The following CAAP1 variants were observed in gnomAD, a reference collection of about 807,000 sequenced individuals.
CAAP1 encodes the protein conserved anti-apoptotic protein.
CAAP1 carries 20 observed loss-of-function variants against 34.0 expected under a neutral mutation model. The observed-to-expected ratio is 0.59, with a 90% CI of 0.41 to 0.86. The LOEUF (loss-of-function observed/expected upper bound fraction) is 0.86, where lower values mean the gene tolerates loss of function less well. CAAP1 is among the 40% of genes least tolerant of loss of function. The pLI is 0.00. For synonymous variants in CAAP1, 213 were observed against 166.7 expected (o/e 1.28, Z -2.14); for missense variants, 538 against 450.5 (o/e 1.19, Z -1.76).
intron 5 of CAAP1, among the ~76,000 whole-genome samples, chr9:26,847,735 T>A (rs760744662): frequency 6.6e-6 from 1 of 152,034 alleles, no homozygotes; most frequent in Admixed American, 6.6e-5. Flanking sequence ...TTTATGGTGT[T>A]TTTTTTTCTC....
intron 5 of CAAP1, among the ~76,000 whole-genome samples, chr9:26,851,959 C>T (rs1296962367): frequency 6.6e-6 from 1 of 152,146 alleles, no homozygotes; most frequent in African/African-American, 2.4e-5. Flanking sequence ...TTTCCTGTGG[C>T]ACTGCTTTTG....
At chr9:26,859,928 T>C (rs1246957159) in intron 5 of CAAP1, among the ~76,000 whole-genome samples, 1 of 152,218 alleles carries the variant, frequency 6.6e-6, no homozygotes, top group Non-Finnish European at 1.5e-5. Context: ...AATCACTAAA[T>C]TCGCTGTCTA....
At chr9:26,865,369 C>T (rs1206819599) in intron 4 of CAAP1, among the ~76,000 whole-genome samples, 2 of 151,878 alleles carry the variant, frequency 1.3e-5, no homozygotes, top group East Asian at 3.9e-4. Flanking sequence ...ACTAAAAATA[C>T]AAAATTAGCC....
At chr9:26,890,400 T>G (rs1468247457) in intron 1 of CAAP1, among the ~76,000 whole-genome samples, 2 of 151,466 alleles carry the variant, frequency 1.3e-5, no homozygotes, top group East Asian at 3.9e-4. Flanking sequence ...GGAAACTATT[T>G]AAAATAAGAA....
At chr9:26,878,103 A>G (rs12348152) in intron 4 of CAAP1, among the ~76,000 whole-genome samples, 6,471 of 152,260 alleles carry the variant, frequency 0.042, 465 homozygotes, top group African/African-American at 0.15. Flanking sequence ...TAATGGTAAC[A>G]ATCCCCTATT....
intron 4 of CAAP1, 45 bp downstream of exon 4, chr9:26,884,765 A>T: frequency 7.6e-7 from 1 of 1,316,958 alleles, no homozygotes; most frequent in Non-Finnish European, 1.1e-6. Flanking sequence ...CACCAAAGGA[A>T]TAACAAAGAA....
chr9:26,866,821 G>T (rs1282868383), intron 4 of CAAP1, among the ~76,000 whole-genome samples: 1 of 152,096 alleles, frequency 6.6e-6, no homozygotes, highest in African/African-American at 2.4e-5. Context: ...AATTCTGGAG[G>T]CCAGAAGCCC....
Position 26,884,903 on chromosome 9 carries a change from C to A in CAAP1, c.590-18G>T. 1 of 1,530,490 alleles carries A rather than the reference C, an allele frequency of 6.5e-7. No individual in the cohort carries two copies. 94.8% of individuals were successfully genotyped at this position (1,530,490 alleles called of 1,614,324 possible). A position where few individuals can be genotyped will look rare whatever the true frequency, so the allele number is the denominator to read the frequency against. On this transcript the variant is annotated intron_variant, in intron 3 of 5. Coordinates refer to ENST00000333916, the MANE Select transcript of CAAP1 (RefSeq NM_024828.4). Reference sequence around the variant, plus strand: ...ATTGTCACCTTATAAATGAAAGAAACTATTGAAAGCACACTTATAAAAACA... The same window carrying A: ...ATTGTCACCTTATAAATGAAAGAAAATATTGAAAGCACACTTATAAAAACA...
At chr9:26,843,310 C>T (rs1190768803) in intron 5 of CAAP1, among the ~76,000 whole-genome samples, 1 of 152,144 alleles carries the variant, frequency 6.6e-6, no homozygotes, top group Non-Finnish European at 1.5e-5. Context: ...ATAACTGATG[C>T]TAACAACATA....
At position 26,841,429 on chromosome 9, in the gene CAAP1, G is replaced by A. The variant is rs552697077; in HGVS notation, c.*872C>T. On this transcript the variant is annotated 3_prime_UTR_variant, in exon 6 of 6. Transcript: ENST00000333916. Reference sequence around the variant, plus strand: ...TAATTATAACAACAACTTATCAAAGGTTCCTGAAATTAATTTTGCTTTTGA... The same window carrying A: ...TAATTATAACAACAACTTATCAAAGATTCCTGAAATTAATTTTGCTTTTGA... 1 of 152,388 alleles carries A rather than the reference G, an allele frequency of 6.6e-6. No homozygotes were observed. The highest frequency in any genetic ancestry group is 2.1e-4 in the South Asian group (1 of 4,832). The allele number at this position is 152,388 out of a possible 1,614,324, so 9.4% of individuals were successfully genotyped here. A position where few individuals can be genotyped will look rare whatever the true frequency, so the allele number is the denominator to read the frequency against.
At chr9:26,867,046 C>A (rs368545297) in intron 4 of CAAP1, among the ~76,000 whole-genome samples, 1 of 152,060 alleles carries the variant, frequency 6.6e-6, no homozygotes, top group Non-Finnish European at 1.5e-5. Context: ...GGAATGTGAA[C>A]CCTATTGTGA....
chr9:26,889,867 CAAAAAA>C (rs1028187218), intron 1 of CAAP1, among the ~76,000 whole-genome samples: 6 of 51,326 alleles, frequency 1.2e-4, no homozygotes, highest in African/African-American at 3.0e-4. Flanking sequence ...GACTCTGTCT[CAAAAAA>C]AAAAAAAAAA....
At chr9:26,849,765 A>C (rs1186789474) in intron 5 of CAAP1, among the ~76,000 whole-genome samples, 1 of 151,534 alleles carries the variant, frequency 6.6e-6, no homozygotes, top group Non-Finnish European at 1.5e-5. Context: ...GAACCCAAAC[A>C]CCTCTTTAGT....
chr9:26,889,153 A>G (rs1823835361), intron 1 of CAAP1, among the ~76,000 whole-genome samples: 1 of 152,238 alleles, frequency 6.6e-6, no homozygotes, highest in Non-Finnish European at 1.5e-5. Context: ...GCGGTGGCTC[A>G]CGCCTGTAAT....
chr9:26,845,320 T>C (rs926197288), intron 5 of CAAP1, among the ~76,000 whole-genome samples: 1 of 152,158 alleles, frequency 6.6e-6, no homozygotes, highest in African/African-American at 2.4e-5. Flanking sequence ...TCTCTTAACT[T>C]TTATTGCACA....
intron 5 of CAAP1, among the ~76,000 whole-genome samples, chr9:26,854,085 C>T (rs887526817): frequency 1.3e-5 from 2 of 152,078 alleles, no homozygotes; most frequent in South Asian, 2.1e-4. Flanking sequence ...TATAGAGACC[C>T]TTTTACCAAT....
At chr9:26,860,547 C>T (rs1428477163) in intron 5 of CAAP1, among the ~76,000 whole-genome samples, 1 of 152,170 alleles carries the variant, frequency 6.6e-6, no homozygotes, top group Non-Finnish European at 1.5e-5. Context: ...AATCCCAGCA[C>T]TTTGGGTGGC....
Position 26,873,842 on chromosome 9 carries a change from T to A in CAAP1, c.665+10968A>T, listed in dbSNP as rs1354642847. On this transcript the variant is annotated intron_variant, in intron 4 of 5. Transcript: ENST00000333916. ...TTTTTAGACAACCCGAAATAAAATA[T>A]AAATTTGCTCATTTTCTTTTCCCTA... Among the ~76,000 whole-genome samples, 8 of 152,254 alleles carry A rather than the reference T, an allele frequency of 5.3e-5. No homozygotes were observed. The East Asian group carries it at 1.5e-3, about 29-fold the overall frequency.
intron 4 of CAAP1, among the ~76,000 whole-genome samples, chr9:26,871,528 G>A (rs1245916004): frequency 6.7e-6 from 1 of 150,188 alleles, no homozygotes; most frequent in Non-Finnish European, 1.5e-5. Flanking sequence ...AGTGAGCCAA[G>A]ATCGTGCCAC....
Sources: allele counts gnomAD v4.1 joint callset (sites outside exome capture counted in the v4.1 genomes callset), GRCh38; gene constraint gnomAD v4.1.1; transcripts MANE v1.5; gene names NCBI Gene and HGNC (gene_info 2026-07-23, HGNC 2026-07-21).